The following ECT2L variants were observed in gnomAD, a reference collection of about 807,000 sequenced individuals.
ECT2L encodes the protein epithelial cell transforming 2 like.
ECT2L carries 126 observed loss-of-function variants against 122.8 expected under a neutral mutation model. That is an observed-to-expected ratio of 1.03 (90% confidence interval 0.89 to 1.19). The LOEUF is 1.19. Ranked by LOEUF, ECT2L falls within the 50% of genes most tolerant of loss-of-function variation. The pLI is 0.00. For missense variants in ECT2L, 1,012 were observed against 1,064.1 expected (o/e 0.95, Z 0.68); for synonymous variants, 385 against 381.8 (o/e 1.01, Z -0.10).
At chr6:138,896,028 A>G (rs1779196537) in intron 20 of ECT2L, among the ~76,000 whole-genome samples, 1 of 151,234 alleles carries the variant, frequency 6.6e-6, no homozygotes, top group Non-Finnish European at 1.5e-5. Context: ...CTTTTAGAAT[A>G]TATTTTGTAC....
intron 4 of ECT2L, among the ~76,000 whole-genome samples, chr6:138,836,781 C>T (rs1776856342): frequency 6.6e-6 from 1 of 152,050 alleles, no homozygotes; most frequent in East Asian, 1.9e-4. Context: ...GGCTATATTA[C>T]ATTAATTATA....
intron 4 of ECT2L, among the ~76,000 whole-genome samples, chr6:138,822,248 A>G (rs1407039241): frequency 6.6e-6 from 1 of 152,204 alleles, no homozygotes; most frequent in Non-Finnish European, 1.5e-5. Context: ...AGTAATAGAG[A>G]CAGACATTAC....
chr6:138,816,389 T>G (rs4896406), intron 4 of ECT2L, among the ~76,000 whole-genome samples: 111,752 of 152,148 alleles, frequency 0.73, 41,309 homozygotes, highest in East Asian at 0.89. Context: ...AAAGTACTTT[T>G]TTTTTTTGTT....
intron 15 of ECT2L, 109 bp downstream of exon 15, chr6:138,881,280 A>AG (rs1184672620): frequency 2.7e-5 from 30 of 1,092,236 alleles, no homozygotes; most frequent in Non-Finnish European, 3.6e-5. Context: ...TGACCCTCTT[A>AG]GGGACCCTGA....
At chr6:138,834,102 T>C (rs1776743886) in intron 4 of ECT2L, among the ~76,000 whole-genome samples, 1 of 152,208 alleles carries the variant, frequency 6.6e-6, no homozygotes, top group Non-Finnish European at 1.5e-5. Context: ...TAAGCTTTGT[T>C]ATTTTTGCAA....
chr6:138,824,296 A>G (rs1426410924), intron 4 of ECT2L, among the ~76,000 whole-genome samples: 2 of 151,564 alleles, frequency 1.3e-5, no homozygotes, highest in Non-Finnish European at 2.9e-5. Flanking sequence ...TAATTTCAAA[A>G]TAAAAGAAGT....
intron 1 of ECT2L, among the ~76,000 whole-genome samples, chr6:138,801,788 G>A (rs1775551749): frequency 6.6e-6 from 1 of 152,056 alleles, no homozygotes; most frequent in African/African-American, 2.4e-5. Context: ...TCTCCAGTAA[G>A]TAGATGAAGA....
intron 9 of ECT2L, among the ~76,000 whole-genome samples, chr6:138,853,650 C>T (rs779792646): frequency 1.3e-5 from 2 of 152,162 alleles, no homozygotes; most frequent in Non-Finnish European, 2.9e-5. Flanking sequence ...AACTTCTGCT[C>T]TGCACTACTT....
At chr6:138,818,382 G>T (rs1226812081) in intron 4 of ECT2L, among the ~76,000 whole-genome samples, 4 of 152,130 alleles carry the variant, frequency 2.6e-5, no homozygotes, top group Non-Finnish European at 5.9e-5. Flanking sequence ...CACGCAGCCT[G>T]TGAGGGCTCA....
At chr6:138,819,617 A>G in intron 4 of ECT2L, among the ~76,000 whole-genome samples, 1 of 152,196 alleles carries the variant, frequency 6.6e-6, no homozygotes, top group Non-Finnish European at 1.5e-5. Flanking sequence ...ATGAATTCAG[A>G]TATCTAAAGC....
intron 15 of ECT2L, among the ~76,000 whole-genome samples, chr6:138,881,512 T>G (rs1778645168): frequency 6.6e-6 from 1 of 152,004 alleles, no homozygotes; most frequent in Non-Finnish European, 1.5e-5. Flanking sequence ...TTCAGGATGA[T>G]TCAAGTGCAT....
chr6:138,886,940 C>T lies in ECT2L; in HGVS notation c.2325+18C>T. 1 of 1,595,972 alleles carries T rather than the reference C, an allele frequency of 6.3e-7. No individual in the cohort carries two copies. The highest frequency in any genetic ancestry group is 8.6e-7 in the Non-Finnish European group (1 of 1,164,898). ...GATGCCCTGTATGTATTCTTAGGAACTTGCTGTATCTCATGCTCATGAATA... is the reference window on the plus strand; with the variant it reads ...GATGCCCTGTATGTATTCTTAGGAATTTGCTGTATCTCATGCTCATGAATA... On this transcript the variant is annotated intron_variant, in intron 19 of 21. Coordinates refer to ENST00000541398, the MANE Select transcript of ECT2L (RefSeq NM_001077706.3).
At chr6:138,805,074 T>A (rs1408994704) in intron 1 of ECT2L, among the ~76,000 whole-genome samples, 1 of 152,244 alleles carries the variant, frequency 6.6e-6, no homozygotes, top group Non-Finnish European at 1.5e-5. Context: ...AATGAACCCG[T>A]GCCACATGTA....
At chr6:138,879,434 T>C (rs1381029194) in intron 14 of ECT2L, 1 of 152,156 alleles carries the variant, frequency 6.6e-6, no homozygotes, top group Non-Finnish European at 1.5e-5. Context: ...AAAATAATAA[T>C]TCTAGGCTAA....
intron 1 of ECT2L, among the ~76,000 whole-genome samples, chr6:138,811,237 C>A (rs1343230251): frequency 2.0e-5 from 3 of 152,178 alleles, no homozygotes; most frequent in Non-Finnish European, 4.4e-5. Flanking sequence ...GCAAGGAAGG[C>A]AAGGGAGGCC....
intron 20 of ECT2L, among the ~76,000 whole-genome samples, chr6:138,897,173 T>C (rs1347322031): frequency 1.3e-5 from 2 of 152,148 alleles, no homozygotes; most frequent in East Asian, 1.9e-4. Context: ...AAACCCACCA[T>C]TGGAGTTGGT....
intron 4 of ECT2L, among the ~76,000 whole-genome samples, chr6:138,819,842 G>T (rs577359980): frequency 6.6e-6 from 1 of 151,468 alleles, no homozygotes; most frequent in Non-Finnish European, 1.5e-5. Flanking sequence ...AACTGAGATC[G>T]CACCATTGCA....
intron 1 of ECT2L, among the ~76,000 whole-genome samples, chr6:138,812,359 T>C (rs915559110): frequency 3.3e-5 from 5 of 152,236 alleles, no homozygotes; most frequent in African/African-American, 1.2e-4. Context: ...AGCTTTGAAA[T>C]AAGTGTTTGT....
chr6:138,882,981 C>T, intron 16 of ECT2L, 110 bp downstream of exon 16: 1 of 1,180,078 alleles, frequency 8.5e-7, no homozygotes, highest in Non-Finnish European at 1.2e-6. Flanking sequence ...CTCTTAGCTC[C>T]CAGCTGTCTT....
Sources: allele counts gnomAD v4.1 joint callset (sites outside exome capture counted in the v4.1 genomes callset), GRCh38; gene constraint gnomAD v4.1.1; transcripts MANE v1.5; gene names NCBI Gene and HGNC (gene_info 2026-07-23, HGNC 2026-07-21).